The following LRBA variants were observed in gnomAD, a reference collection of about 807,000 sequenced individuals.
LRBA encodes lipopolysaccharide-responsive and beige-like anchor protein.
A neutral mutation model predicts 330.0 loss-of-function variants in LRBA; 176 were observed. The ratio of observed to expected loss-of-function variants is 0.53; its 90% CI spans 0.47 to 0.60. The LOEUF is 0.60. LRBA is among the 20% of genes least tolerant of loss of function. LRBA has a pLI of 0.00. For missense variants in LRBA, 3,259 were observed against 3,444.8 expected, an observed-to-expected ratio of 0.95 and a Z score of 1.35; for synonymous variants, 1,230 against 1,193.0, an observed-to-expected ratio of 1.03 and a Z score of -0.64.
chr4:150,542,814 T>C (rs1318979659), intron 40 of LRBA, among the ~76,000 whole-genome samples: 1 of 152,168 alleles, frequency 6.6e-6, no homozygotes, highest in Non-Finnish European at 1.5e-5. Context: ...TCAGAATTTC[T>C]ATTCCATATA....
chr4:150,459,183 G>A (rs1286953198), intron 44 of LRBA, among the ~76,000 whole-genome samples: 1 of 151,794 alleles, frequency 6.6e-6, no homozygotes, highest in Admixed American at 6.6e-5. Flanking sequence ...AAGGGGTCTA[G>A]GGGCTTTCAC....
intron 56 of LRBA, among the ~76,000 whole-genome samples, chr4:150,274,916 C>T (rs1746565476): frequency 6.6e-6 from 1 of 152,146 alleles, no homozygotes; most frequent in African/African-American, 2.4e-5. Context: ...AGAGGGAATC[C>T]TAACTCATTT....
intron 28 of LRBA, among the ~76,000 whole-genome samples, chr4:150,836,393 C>A (rs1408259961): frequency 6.6e-6 from 1 of 152,158 alleles, no homozygotes. Context: ...CTCCTCCTTG[C>A]ACCTCGGGTG....
At chr4:150,705,484 TCACAA>T (rs1785527284) in intron 36 of LRBA, among the ~76,000 whole-genome samples, 4 of 151,936 alleles carry the variant, frequency 2.6e-5, no homozygotes, top group Admixed American at 2.6e-4. Context: ...GTAAAGTTAT[TCACAA>T]GAGGCAAGTA....
At position 150,858,845 on chromosome 4, in the gene LRBA, T is replaced by G. The variant is rs115262497; in HGVS notation, c.2767-5902A>C. Among the ~76,000 whole-genome samples the G allele has an allele frequency of 4.6e-3, 702 of 152,300 alleles. 7 individuals are homozygous for G. The highest frequency in any genetic ancestry group is 0.016 in the African/African-American group (671 of 41,574). ...CCAATTTTGTAACTTTTGAAATTTCTTCAAACAAGTCGCTTTTAATCTTAT... is the reference window on the plus strand; with the variant it reads ...CCAATTTTGTAACTTTTGAAATTTCGTCAAACAAGTCGCTTTTAATCTTAT... On this transcript the variant is annotated intron_variant, in intron 22 of 56. Transcript: ENST00000651943.
At chr4:150,815,464 G>A (rs944574182) in intron 31 of LRBA, among the ~76,000 whole-genome samples, 12 of 151,894 alleles carry the variant, frequency 7.9e-5, no homozygotes, top group Middle Eastern at 6.8e-3. Flanking sequence ...GGAAACCAGC[G>A]AGGGAGAGAA....
chr4:150,797,693 G>C (rs565629389), intron 34 of LRBA, among the ~76,000 whole-genome samples: 1 of 151,880 alleles, frequency 6.6e-6, no homozygotes, highest in African/African-American at 2.4e-5. Context: ...ATCATTTATC[G>C]CTCATTTTAT....
chr4:150,304,686 T>A (rs921579462), intron 52 of LRBA, among the ~76,000 whole-genome samples: 1 of 152,018 alleles, frequency 6.6e-6, no homozygotes, highest in African/African-American at 2.4e-5. Flanking sequence ...CTAAAAAAAA[T>A]TGAGCAAATT....
intron 40 of LRBA, among the ~76,000 whole-genome samples, chr4:150,498,015 T>G (rs1283819667): frequency 1.3e-5 from 2 of 152,208 alleles, no homozygotes; most frequent in Non-Finnish European, 1.5e-5. Context: ...ATTTTTCAGA[T>G]GTCAACCTTT....
At chr4:150,617,611 C>T (rs1333072780) in intron 37 of LRBA, among the ~76,000 whole-genome samples, 1 of 152,082 alleles carries the variant, frequency 6.6e-6, no homozygotes, top group Non-Finnish European at 1.5e-5. Context: ...CATTGTACTC[C>T]AGCCTGGGCA....
intron 34 of LRBA, among the ~76,000 whole-genome samples, chr4:150,797,442 A>G (rs1210385750): frequency 6.6e-6 from 1 of 151,960 alleles, no homozygotes; most frequent in Non-Finnish European, 1.5e-5. Context: ...AAAAACATTC[A>G]TCTGTTTAAT....
At chr4:150,662,557 G>A (rs905282438) in intron 37 of LRBA, among the ~76,000 whole-genome samples, 3 of 152,228 alleles carry the variant, frequency 2.0e-5, no homozygotes, top group Non-Finnish European at 4.4e-5. Flanking sequence ...AACTACTGCT[G>A]TATGGTATAG....
intron 49 of LRBA, among the ~76,000 whole-genome samples, chr4:150,324,882 C>A (rs937399063): frequency 1.3e-5 from 2 of 152,114 alleles, no homozygotes; most frequent in African/African-American, 4.8e-5. Context: ...ATTTTAATCA[C>A]GCACTTCAAT....
At chr4:150,714,131 C>T (rs1189765928) in intron 36 of LRBA, among the ~76,000 whole-genome samples, 3 of 152,164 alleles carry the variant, frequency 2.0e-5, no homozygotes, top group Non-Finnish European at 4.4e-5. Flanking sequence ...GACATGGCCA[C>T]AGCATCCAAC....
At chr4:150,713,559 G>A (rs1475990613) in intron 36 of LRBA, among the ~76,000 whole-genome samples, 1 of 152,162 alleles carries the variant, frequency 6.6e-6, no homozygotes, top group Admixed American at 6.5e-5. Context: ...TAACTGTAAC[G>A]TGGCAAAGTA....
chr4:150,431,819 A>G lies in LRBA; in HGVS notation c.7041+3770T>C, dbSNP rs150904054. On this transcript the variant is annotated intron_variant, in intron 46 of 56. Coordinates refer to ENST00000651943, the MANE Select transcript of LRBA (RefSeq NM_001364905.1). ...TCAGGGAGAATAAAAACCATCATTG[A>G]GAGGTCAGATCTGAAATGGAATCAC... 1.7e-3 allele frequency among the ~76,000 whole-genome samples: 262 copies of G among 152,248 alleles called. 2 individuals are homozygous for G. Among genetic ancestry groups the G allele is most frequent in the African/African-American group, 5.5e-3 (227 of 41,578 alleles).
intron 37 of LRBA, among the ~76,000 whole-genome samples, chr4:150,616,803 A>G (rs1287456531): frequency 2.0e-5 from 3 of 152,182 alleles, no homozygotes; most frequent in African/African-American, 7.2e-5. Context: ...TTTGGGGGGG[A>G]AAGCATGAAT....
At chr4:150,628,068 A>G (rs543113728) in intron 37 of LRBA, among the ~76,000 whole-genome samples, 1 of 152,272 alleles carries the variant, frequency 6.6e-6, no homozygotes, top group African/African-American at 2.4e-5. Context: ...TATACCATAA[A>G]TCAAAAGTAT....
intron 42 of LRBA, among the ~76,000 whole-genome samples, chr4:150,483,625 T>C (rs1757545424): frequency 6.6e-6 from 1 of 151,902 alleles, no homozygotes; most frequent in African/African-American, 2.4e-5. Flanking sequence ...TGAGCCACCA[T>C]GCCTGGCCAT....
Sources: gnomAD v4.1 joint callset for allele counts (sites outside exome capture counted in the v4.1 genomes callset) on GRCh38, gnomAD v4.1.1 for gene constraint, MANE v1.5 for transcripts, NCBI Gene and HGNC (gene_info 2026-07-23, HGNC 2026-07-21) for gene names.